The following COP1 variants were observed in gnomAD, a reference collection of about 807,000 sequenced individuals.
COP1 encodes E3 ubiquitin-protein ligase COP1.
A neutral mutation model predicts 101.3 loss-of-function variants in COP1; 24 were observed. The observed-to-expected ratio is 0.24, with a 90% CI of 0.17 to 0.33. The LOEUF (loss-of-function observed/expected upper bound fraction) is 0.33, where lower values mean the gene tolerates loss of function less well. Among genes scored for constraint, COP1 ranks in the 10% least tolerant of loss-of-function variants. The probability of loss-of-function intolerance (pLI) is 1.00; values close to 1 mark genes in which losing one functional copy is unlikely to be tolerated. For missense variants in COP1, 663 were observed against 906.2 expected, an observed-to-expected ratio of 0.73 and a Z score of 3.45; for synonymous variants, 347 against 341.9, an observed-to-expected ratio of 1.01 and a Z score of -0.17.
chr1:176,206,995 C>T lies in COP1; in HGVS notation c.-17G>A. ...ACCAGACATCGTGACTCCCTCCCCTCCAGCCGGGCGCTCGGAGGAGAGGGA... is the reference window on the plus strand; with the variant it reads ...ACCAGACATCGTGACTCCCTCCCCTTCAGCCGGGCGCTCGGAGGAGAGGGA... On this transcript the variant is annotated 5_prime_UTR_variant, in exon 1 of 20. Coordinates refer to ENST00000367669, the MANE Select transcript of COP1 (RefSeq NM_022457.7). 7.3e-7 allele frequency: 1 copy of T among 1,366,424 alleles called. No homozygotes were observed. Among genetic ancestry groups the T allele is most frequent in the Non-Finnish European group, 9.4e-7 (1 of 1,062,852 alleles). 84.6% of individuals were successfully genotyped at this position (1,366,424 alleles called of 1,614,324 possible).
intron 6 of COP1, among the ~76,000 whole-genome samples, chr1:176,142,990 G>A (rs1690937042): frequency 6.6e-6 from 1 of 151,582 alleles, no homozygotes; most frequent in African/African-American, 2.4e-5. Context: ...AAAGCAGGAT[G>A]GAAATAATAA....
chr1:176,057,451 C>T (rs1442732892), intron 11 of COP1, among the ~76,000 whole-genome samples: 2 of 152,194 alleles, frequency 1.3e-5, no homozygotes, highest in African/African-American at 4.8e-5. Context: ...TCTCCTGCCT[C>T]AGCCTGCCGA....
At chr1:176,080,576 G>A (rs1678930241) in intron 11 of COP1, among the ~76,000 whole-genome samples, 1 of 152,184 alleles carries the variant, frequency 6.6e-6, no homozygotes, top group Admixed American at 6.5e-5. Context: ...GCATGAAAGA[G>A]GGAAAATCAT....
chr1:176,095,795 C>T (rs745698802), intron 9 of COP1, among the ~76,000 whole-genome samples: 9 of 152,042 alleles, frequency 5.9e-5, no homozygotes, highest in Non-Finnish European at 1.3e-4. Flanking sequence ...CAAATAAAGG[C>T]AACAGCACCA....
chr1:176,136,358 A>G (rs949122139), intron 7 of COP1, 130 bp downstream of exon 7: 1 of 457,040 alleles, frequency 2.2e-6, no homozygotes, highest in Non-Finnish European at 3.9e-6. Flanking sequence ...CTCAATTGAA[A>G]TGAAAGTAAC....
intron 3 of COP1, among the ~76,000 whole-genome samples, chr1:176,165,059 A>G (rs1419007990): frequency 6.6e-6 from 1 of 152,172 alleles, no homozygotes; most frequent in Non-Finnish European, 1.5e-5. Flanking sequence ...TATTTTTGAA[A>G]ACAACAAACA....
chr1:176,028,596 T>C (rs753274731), intron 14 of COP1, among the ~76,000 whole-genome samples: 46 of 144,380 alleles, frequency 3.2e-4, no homozygotes, highest in Non-Finnish European at 6.1e-4. Context: ...TCAATATAGA[T>C]AAACGATAAA....
At chr1:176,032,074 C>G (rs1374229336) in intron 14 of COP1, among the ~76,000 whole-genome samples, 1 of 152,098 alleles carries the variant, frequency 6.6e-6, no homozygotes, top group Non-Finnish European at 1.5e-5. Context: ...AAAGAGAAAA[C>G]AGGGACAGAA....
chr1:176,190,443 AT>A (rs1490183849), intron 1 of COP1, among the ~76,000 whole-genome samples: 1 of 151,964 alleles, frequency 6.6e-6, no homozygotes, highest in Non-Finnish European at 1.5e-5. Flanking sequence ...TGAAGAAGAC[AT>A]TTTTATACCA....
intron 14 of COP1, among the ~76,000 whole-genome samples, chr1:176,040,585 C>T (rs1670356655): frequency 2.0e-5 from 3 of 152,130 alleles, no homozygotes; most frequent in African/African-American, 7.2e-5. Context: ...GCTGGGATTA[C>T]AGGTGTGAGT....
intron 1 of COP1, among the ~76,000 whole-genome samples, chr1:176,185,751 G>A (rs1459434033): frequency 6.6e-6 from 1 of 152,228 alleles, no homozygotes; most frequent in African/African-American, 2.4e-5. Context: ...AGCTGCATCA[G>A]CTTTGGATTG....
intron 8 of COP1, among the ~76,000 whole-genome samples, chr1:176,117,551 G>C (rs919979102): frequency 2.6e-5 from 4 of 152,074 alleles, no homozygotes; most frequent in Non-Finnish European, 5.9e-5. Flanking sequence ...CATACCAACC[G>C]TATAAACGAT....
intron 6 of COP1, among the ~76,000 whole-genome samples, chr1:176,137,773 TTATTAG>T (rs1029851958): frequency 9.2e-5 from 14 of 152,190 alleles, no homozygotes; most frequent in African/African-American, 2.9e-4. Context: ...TTTTATAGAC[TTATTAG>T]TATTAGTATC....
chr1:176,174,796 C>T (rs1028086757), intron 3 of COP1, among the ~76,000 whole-genome samples: 3 of 152,126 alleles, frequency 2.0e-5, no homozygotes, highest in Admixed American at 6.5e-5. Flanking sequence ...GCAGAATTGA[C>T]CTTTTTGATA....
chr1:175,957,033 G>A (rs992157342), intron 18 of COP1, among the ~76,000 whole-genome samples: 1 of 152,100 alleles, frequency 6.6e-6, no homozygotes, highest in Non-Finnish European at 1.5e-5. Context: ...TGTACAATGT[G>A]TTTGTGTTTT....
At chr1:176,118,655 G>A (rs1446810437) in intron 8 of COP1, among the ~76,000 whole-genome samples, 1 of 152,056 alleles carries the variant, frequency 6.6e-6, no homozygotes, top group Non-Finnish European at 1.5e-5. Context: ...ACTCAGGAGG[G>A]TGAGGTAGGA....
intron 11 of COP1, among the ~76,000 whole-genome samples, chr1:176,056,009 C>A (rs1295278307): frequency 1.3e-5 from 2 of 151,866 alleles, no homozygotes; most frequent in African/African-American, 4.8e-5. Flanking sequence ...TAGCTATGTC[C>A]CATAAGTTCT....
chr1:176,173,324 G>GAAAAAAAAAAAAAAAAAAAAA (rs11396126), intron 3 of COP1, among the ~76,000 whole-genome samples: 1 of 93,700 alleles, frequency 1.1e-5, no homozygotes. Context: ...AAAACAAAAT[G>GAAAAAAAAAAAAAAAAAAAAA]AAAAAAAAAA....
At chr1:176,043,388 A>G in intron 13 of COP1, 121 bp from the exon 14 acceptor site, 3 of 628,274 alleles carry the variant, frequency 4.8e-6, no homozygotes, top group South Asian at 2.2e-5. Flanking sequence ...ACAACAGGCT[A>G]GAAAACAAAT....
Sources: allele counts gnomAD v4.1 joint callset (sites outside exome capture counted in the v4.1 genomes callset), GRCh38; gene constraint gnomAD v4.1.1; transcripts MANE v1.5; gene names NCBI Gene and HGNC (gene_info 2026-07-23, HGNC 2026-07-21).